Variants in TMEM114 observed in about 807,000 individuals in gnomAD.
TMEM114 encodes the protein transmembrane protein 114.
TMEM114 carries 6 observed loss-of-function variants against 6.2 expected under a neutral mutation model. That is an observed-to-expected ratio of 0.97 (90% CI 0.53 to 1.91). The LOEUF is 1.91. Among genes scored for constraint, TMEM114 ranks in the 40% most tolerant of loss-of-function variants. The pLI is 0.01. For synonymous variants in TMEM114, 104 were observed against 73.0 expected, an observed-to-expected ratio of 1.42 and a Z score of -2.16; for missense variants, 218 against 158.3, an observed-to-expected ratio of 1.38 and a Z score of -2.02.
chr16:8,576,415 G>A (rs1328728760), intron 2 of TMEM114, among the ~76,000 whole-genome samples: 1 of 152,146 alleles, frequency 6.6e-6, no homozygotes, highest in Non-Finnish European at 1.5e-5. Context: ...GTTCTCCTTT[G>A]CTGCACTGAG....
chr16:8,582,944 G>A (rs956818960), intron 2 of TMEM114, among the ~76,000 whole-genome samples: 2 of 148,362 alleles, frequency 1.3e-5, no homozygotes, highest in Non-Finnish European at 2.9e-5. Flanking sequence ...GGAAGGGCAG[G>A]GAAAGGCAGG....
downstream of TMEM114, among the ~76,000 whole-genome samples, chr16:8,569,045 G>C (rs997051143): frequency 3.3e-5 from 5 of 152,218 alleles, no homozygotes; most frequent in African/African-American, 1.2e-4. Context: ...CACCCTGGGG[G>C]TGGCATCAGC....
rs1048654941 is a variant in TMEM114 at position 8,545,906 on chromosome 16, A to G, written n.213-8080T>C. 3.9e-5 allele frequency among the ~76,000 whole-genome samples: 6 copies of G among 152,098 alleles called. No individual in the cohort carries two copies. The East Asian group carries it at 1.2e-3, about 29-fold the overall frequency. On this transcript the variant is annotated intron_variant and non_coding_transcript_variant, in intron 2 of 2. Transcript: ENST00000623677. ...GAGGGAGAAGGATTGCTTGAGCCCAAGAGTTTGAAACCAGCCTGGGCAACA... is the reference window on the plus strand; with the variant it reads ...GAGGGAGAAGGATTGCTTGAGCCCAGGAGTTTGAAACCAGCCTGGGCAACA...
Position 8,586,414 on chromosome 16 carries a change from T to A in TMEM114, c.301+2799A>T, listed in dbSNP as rs1418907672. Among the ~76,000 whole-genome samples the A allele has an allele frequency of 4.6e-5, 7 of 152,328 alleles. No individual in the cohort carries two copies. In the South Asian group the frequency reaches 1.2e-3, roughly 27 times the overall value. On this transcript the variant is annotated intron_variant, in intron 2 of 3. Coordinates refer to ENST00000620492, the MANE Select transcript of TMEM114 (RefSeq NM_001146336.2). ...TGAGGCTCAGAGAGGTTAAGACACC[T>A]ATCCCAGGATCACAGAAGGCCTCTG...
intron 2 of TMEM114, among the ~76,000 whole-genome samples, chr16:8,540,016 C>T (rs1192688477): frequency 6.6e-6 from 1 of 151,992 alleles, no homozygotes; most frequent in African/African-American, 2.4e-5. Context: ...TGGGGTTTCA[C>T]CACGTTGACC....
chr16:8,560,575 A>G (rs964218553), intron 2 of TMEM114, among the ~76,000 whole-genome samples: 4 of 152,188 alleles, frequency 2.6e-5, no homozygotes, highest in Admixed American at 2.6e-4. Flanking sequence ...GGAGGGAGGT[A>G]GCCCGGGATG....
intron 2 of TMEM114, among the ~76,000 whole-genome samples, chr16:8,549,395 G>C (rs536180263): frequency 3.3e-5 from 5 of 151,582 alleles, no homozygotes; most frequent in African/African-American, 9.7e-5. Context: ...AGCTACTCGG[G>C]AGGCTGAGGA....
At chr16:8,584,515 G>A (rs773973469) in intron 2 of TMEM114, among the ~76,000 whole-genome samples, 10 of 152,160 alleles carry the variant, frequency 6.6e-5, no homozygotes, top group Non-Finnish European at 1.3e-4. Context: ...CTGAAAGAGT[G>A]GAGGTTATTG....
intron 2 of TMEM114, among the ~76,000 whole-genome samples, chr16:8,587,848 A>G (rs890571128): frequency 0.012 from 1,752 of 151,862 alleles, 37 homozygotes; most frequent in African/African-American, 0.041. Flanking sequence ...GTCTCTGGGT[A>G]GGGTTGAGTG....
At chr16:8,533,763 T>C (rs7199774), downstream of TMEM114, among the ~76,000 whole-genome samples, 84,514 of 152,056 alleles carry the variant, frequency 0.56, 23,752 homozygotes, top group South Asian at 0.68. Flanking sequence ...GAGTTTTCCA[T>C]AGACCAGCTT....
At chr16:8,576,112 G>A (rs1036600984) in intron 2 of TMEM114, among the ~76,000 whole-genome samples, 7 of 152,182 alleles carry the variant, frequency 4.6e-5, no homozygotes, top group African/African-American at 1.2e-4. Context: ...CACCTCACAG[G>A]CTGCCCAAGC....
chr16:8,561,947 A>C (rs995354640), intron 2 of TMEM114, among the ~76,000 whole-genome samples: 7 of 152,122 alleles, frequency 4.6e-5, no homozygotes, highest in African/African-American at 1.4e-4. Context: ...TAAGTGAATG[A>C]GTGAATGAGG....
intron 2 of TMEM114, among the ~76,000 whole-genome samples, chr16:8,542,076 C>G (rs1900531098): frequency 6.6e-6 from 1 of 152,136 alleles, no homozygotes; most frequent in African/African-American, 2.4e-5. Context: ...CAGAAGCATA[C>G]CATTGTGCTG....
downstream of TMEM114, among the ~76,000 whole-genome samples, chr16:8,568,215 CCT>C (rs1442336804): frequency 6.6e-6 from 1 of 152,172 alleles, no homozygotes; most frequent in Non-Finnish European, 1.5e-5. Flanking sequence ...ATTTCATATG[CCT>C]CTCTCTCCTC....
intron 2 of TMEM114, among the ~76,000 whole-genome samples, chr16:8,574,175 G>C (rs1901836276): frequency 6.6e-6 from 1 of 152,046 alleles, no homozygotes; most frequent in Admixed American, 6.6e-5. Context: ...CTGACTGTGG[G>C]GTCCTGGGCA....
intron 2 of TMEM114, among the ~76,000 whole-genome samples, chr16:8,542,079 T>C (rs574476709): frequency 2.0e-5 from 3 of 152,210 alleles, no homozygotes; most frequent in East Asian, 3.9e-4. Flanking sequence ...AAGCATACCA[T>C]TGTGCTGGCT....
chr16:8,579,972 C>A (rs1383560665), intron 2 of TMEM114, among the ~76,000 whole-genome samples: 2 of 152,072 alleles, frequency 1.3e-5, no homozygotes, highest in South Asian at 2.1e-4. Flanking sequence ...GAGGCGTTAA[C>A]TGGGCTGAGA....
chr16:8,555,311 G>T (rs754754468), intron 2 of TMEM114, among the ~76,000 whole-genome samples: 3 of 152,246 alleles, frequency 2.0e-5, no homozygotes, highest in Non-Finnish European at 2.9e-5. Flanking sequence ...CAGGGTTGCA[G>T]CTCCGTGACT....
In TMEM114 at chr16:8,552,005, C is replaced by T. The variant is rs376523483; in HGVS notation, n.213-14179G>A. ...CCAAAGATTCTATATTGTATGGTTCCATTTATATAACATTCTCAAAATTAC... is the reference window on the plus strand; with the variant it reads ...CCAAAGATTCTATATTGTATGGTTCTATTTATATAACATTCTCAAAATTAC... On this transcript the variant is annotated intron_variant and non_coding_transcript_variant, in intron 2 of 2. Coordinates refer to the TMEM114 transcript ENST00000623677. 1.8e-4 allele frequency among the ~76,000 whole-genome samples: 27 copies of T among 152,204 alleles called. No homozygotes were observed. The East Asian group carries it at 3.7e-3, about 21-fold the overall frequency.
Sources: gnomAD v4.1 joint callset for allele counts (sites outside exome capture counted in the v4.1 genomes callset) on GRCh38, gnomAD v4.1.1 for gene constraint, MANE v1.5 for transcripts, NCBI Gene and HGNC (gene_info 2026-07-23, HGNC 2026-07-21) for gene names.